Variants in RELN observed in about 807,000 individuals in gnomAD.
RELN encodes the protein reelin.
A neutral mutation model predicts 427.6 loss-of-function variants in RELN; 108 were observed. The ratio of observed to expected loss-of-function variants is 0.25; its 90% CI spans 0.22 to 0.30. The LOEUF is 0.30. Ranked by LOEUF, RELN falls within the 10% of genes least tolerant of loss-of-function variation. RELN has a pLI of 1.00. For synonymous variants in RELN, 1,524 were observed against 1,513.4 expected (o/e 1.01, Z -0.16); for missense variants, 3,715 against 4,302.8 (o/e 0.86, Z 3.82).
At chr7:103,784,514 T>C (rs903413879) in intron 3 of RELN, among the ~76,000 whole-genome samples, 9 of 152,310 alleles carry the variant, frequency 5.9e-5, no homozygotes, top group Non-Finnish European at 1.2e-4. Flanking sequence ...AAATTTAAAA[T>C]GGCTCTATTT....
Position 103,491,816 on chromosome 7 carries a change from C to T in RELN, c.9443+137G>A, listed in dbSNP as rs185949395. 2,775 of 670,850 alleles carry T rather than the reference C, an allele frequency of 4.1e-3. 66 individuals carry two copies. In the African/African-American group the frequency reaches 0.048, roughly 12 times the overall value. 41.6% of individuals were successfully genotyped at this position (670,850 alleles called of 1,614,324 possible). On this transcript the variant is annotated intron_variant, in intron 58 of 64. Coordinates refer to ENST00000428762, the MANE Select transcript of RELN (RefSeq NM_005045.4). ...TGCACTCCAGCCTGGGCAACAAGAG[C>T]GAAACTGTCTCTCTCTCTCTCTCTC... is the stretch of plus-strand genomic sequence containing the variant.
At chr7:103,697,650 G>A (rs1193226723) in intron 10 of RELN, among the ~76,000 whole-genome samples, 4 of 152,096 alleles carry the variant, frequency 2.6e-5, no homozygotes, top group Admixed American at 2.0e-4. Context: ...AAAAATACTT[G>A]TTAAATGAAT....
In RELN at chr7:103,989,327, A is replaced by G; in HGVS notation, c.30T>C (p.Thr10=). The change falls in exon 1 of 65, where the codon ACT becomes ACC. Residue 10 remains threonine (T), a synonymous_variant. Coordinates refer to ENST00000428762, the MANE Select transcript of RELN (RefSeq NM_005045.4). This position sits in a 1 kb window ranked among gnomAD's most constrained non-coding sequence, Gnocchi z 4.9. MERSGWARQ[T]FLLALLLGAT... ...CCCCCAGCAACAGCGCTAGGAGGAAAGTCTGCCGGGCCCAGCCACTGCGCT... is the reference window on the plus strand; with the variant it reads ...CCCCCAGCAACAGCGCTAGGAGGAAGGTCTGCCGGGCCCAGCCACTGCGCT... The G allele has an allele frequency of 6.3e-7, 1 of 1,582,906 alleles. No individual in the cohort carries two copies. The highest frequency in any genetic ancestry group is 8.6e-7 in the Non-Finnish European group (1 of 1,160,734).
At chr7:103,547,509 C>G (rs1224100030) in intron 41 of RELN, among the ~76,000 whole-genome samples, 1 of 152,142 alleles carries the variant, frequency 6.6e-6, no homozygotes, top group Non-Finnish European at 1.5e-5. Flanking sequence ...GTTGGCCAGG[C>G]TGCTCTCAAA....
At chr7:103,742,950 C>T (rs943726872) in intron 6 of RELN, among the ~76,000 whole-genome samples, 16 of 151,684 alleles carry the variant, frequency 1.1e-4, no homozygotes, top group Non-Finnish European at 2.2e-4. Flanking sequence ...AACTGCAAGA[C>T]ACATAATTGT....
In RELN at chr7:103,496,578, C is replaced by A. The variant is rs1562852120; in HGVS notation, c.9141G>T (p.Leu3047Phe). 6.2e-7 allele frequency: 1 copy of A among 1,614,018 alleles called. No homozygotes were observed. The highest frequency in any genetic ancestry group is 8.5e-7 in the Non-Finnish European group (1 of 1,180,030). Residue 3047 changes from leucine (L) to phenylalanine (F), a missense_variant, in exon 56 of 65, where the codon TTG becomes TTT. Physicochemically the swap from Leu to Phe is conservative, Grantham distance 22. This residue lies in a region of RELN where 1,310 missense variants were observed against 1,643.0 expected (regional missense o/e 0.80). Coordinates refer to ENST00000428762, the MANE Select transcript of RELN (RefSeq NM_005045.4). ...TGGGATTGATTTCTGCTCCACCAAT[C>A]AAAATGTTGTCCAGTGCCCACTGAG... is the stretch of plus-strand genomic sequence containing the variant. ...ERAQWALDNI[L>F]IGGAEINPSQ... is the part of the protein sequence containing the mutation.
chr7:103,542,755 C>T lies in RELN; in HGVS notation c.6647G>A (p.Arg2216Gln), dbSNP rs200010849. 9.5e-5 allele frequency: 153 copies of T among 1,613,828 alleles called. No individual in the cohort carries two copies. The highest frequency in any genetic ancestry group is 3.3e-4 in the Admixed American group (20 of 59,994). ...NEDGLRMLMT[R>Q]DLDLSHARFV... ...CCTAGCATGTGATAAATCCAGGTCT[C>T]GTGTCATCAACATGCGCAAGCCATC... Residue 2216 changes from arginine to glutamine, a missense_variant, in exon 43 of 65, where the codon CGA becomes CAA. Transcript: ENST00000428762.
chr7:103,796,352 T>C (rs1177293973), intron 3 of RELN, among the ~76,000 whole-genome samples: 7 of 152,192 alleles, frequency 4.6e-5, no homozygotes, highest in Admixed American at 3.3e-4. Context: ...CATCAATTAA[T>C]GTTTGCCTAA....
intron 1 of RELN, among the ~76,000 whole-genome samples, chr7:103,963,819 C>A (rs538931488): frequency 6.6e-6 from 1 of 152,200 alleles, no homozygotes; most frequent in Admixed American, 6.5e-5. Flanking sequence ...ATTTGCCATG[C>A]AGAGTTACAC....
At chr7:103,820,697 T>C (rs2116370030) in intron 3 of RELN, among the ~76,000 whole-genome samples, 1 of 152,236 alleles carries the variant, frequency 6.6e-6, no homozygotes, top group South Asian at 2.1e-4. Flanking sequence ...ACATCCACCT[T>C]GATTCTAAAT....
rs184317627 is a variant in RELN at position 103,594,604 on chromosome 7, C to T, written c.3540-112G>A. The T allele has an allele frequency of 2.2e-4, 260 of 1,178,432 alleles. 1 individual carries two copies. The Admixed American group carries it at 5.0e-3, about 22-fold the overall frequency. The allele number at this position is 1,178,432 out of a possible 1,614,324, so 73.0% of individuals were successfully genotyped here. On this transcript the variant is annotated intron_variant, in intron 25 of 64. Transcript: ENST00000428762. Reference sequence around the variant, plus strand: ...AGAGAAAAGTTTTGTTTGGTTTGATCTCAATATTTTCCAAAAGCCCGTAAG... The same window carrying T: ...AGAGAAAAGTTTTGTTTGGTTTGATTTCAATATTTTCCAAAAGCCCGTAAG...
intron 2 of RELN, among the ~76,000 whole-genome samples, chr7:103,876,788 T>TA (rs1554435445): frequency 5.3e-4 from 81 of 151,492 alleles, no homozygotes; most frequent in South Asian, 4.8e-3. Flanking sequence ...CTCTTTTTTT[T>TA]AAAAAAAAGA....
At chr7:103,836,133 T>C (rs1793401210) in intron 2 of RELN, among the ~76,000 whole-genome samples, 1 of 151,910 alleles carries the variant, frequency 6.6e-6, no homozygotes, top group Non-Finnish European at 1.5e-5. Flanking sequence ...CAGCTAATTT[T>C]TTTTTGTATT....
chr7:103,906,224 G>A (rs1795201329), intron 2 of RELN, among the ~76,000 whole-genome samples: 1 of 151,990 alleles, frequency 6.6e-6, no homozygotes. Context: ...GGCTGCAAAG[G>A]GAGTTTAATG....
chr7:103,882,922 C>T (rs1794641140), intron 2 of RELN, among the ~76,000 whole-genome samples: 1 of 152,166 alleles, frequency 6.6e-6, no homozygotes, highest in African/African-American at 2.4e-5. Flanking sequence ...GGGACTCCTC[C>T]CTAACTCACT....
At chr7:103,652,519 GTTT>G (rs1281543421) in intron 14 of RELN, 29 bp downstream of exon 14, 10 of 1,570,354 alleles carry the variant, frequency 6.4e-6, no homozygotes, top group Non-Finnish European at 7.9e-6. Context: ...CTCATTTTTA[GTTT>G]TGCACACTTA....
intron 6 of RELN, among the ~76,000 whole-genome samples, chr7:103,729,220 G>T (rs900866541): frequency 6.6e-6 from 1 of 152,078 alleles, no homozygotes. Context: ...CACATTCCAG[G>T]TGCCAAACAT....
rs137912077 is a variant in RELN at position 103,655,029 on chromosome 7, C to G, written c.1442-824G>C. Among the ~76,000 whole-genome samples, 338 of 152,102 alleles carry G rather than the reference C, an allele frequency of 2.2e-3. 9 individuals carry two copies. The East Asian group carries it at 0.063, about 28-fold the overall frequency. On this transcript the variant is annotated intron_variant, in intron 12 of 64. Coordinates refer to ENST00000428762, the MANE Select transcript of RELN (RefSeq NM_005045.4). ...GTCTCCCTATGTTGCACAGGCTGGTCTTGAACTCCTGGGCTCAAGCAATCC... is the reference window on the plus strand; with the variant it reads ...GTCTCCCTATGTTGCACAGGCTGGTGTTGAACTCCTGGGCTCAAGCAATCC...
chr7:103,559,316 AG>A (rs1830591607), intron 36 of RELN, among the ~76,000 whole-genome samples: 1 of 152,228 alleles, frequency 6.6e-6, no homozygotes, highest in Non-Finnish European at 1.5e-5. Flanking sequence ...TGCCAAATGT[AG>A]AATTTGAGAA....
Sources: allele counts gnomAD v4.1 joint callset (sites outside exome capture counted in the v4.1 genomes callset), GRCh38; gene constraint gnomAD v4.1.1; regional missense constraint gnomAD v4.1.1; non-coding constraint Gnocchi (gnomAD v3.1); transcripts MANE v1.5; gene names NCBI Gene and HGNC (gene_info 2026-07-23, HGNC 2026-07-21).